The following CLYBL variants were observed in gnomAD, a reference collection of about 807,000 sequenced individuals.
CLYBL encodes the protein citramalyl-CoA lyase.
A neutral mutation model predicts 38.9 loss-of-function variants in CLYBL; 31 were observed. The ratio of observed to expected loss-of-function variants is 0.80; its 90% CI spans 0.60 to 1.08. The LOEUF is 1.08. CLYBL is among the 50% of genes least tolerant of loss of function. The pLI is 0.00. For synonymous variants in CLYBL, 171 were observed against 158.6 expected (o/e 1.08, Z -0.59); for missense variants, 434 against 411.6 (o/e 1.05, Z -0.47).
At position 99,748,661 on chromosome 13, in the gene CLYBL, G is replaced by A. The variant is rs139641630; in HGVS notation, c.63-24163G>A. ...TCACCATGTTGGCCAAGCTGATCTCGAACTCCTGACCTCATGATTCACCCG... is the reference window on the plus strand; with the variant it reads ...TCACCATGTTGGCCAAGCTGATCTCAAACTCCTGACCTCATGATTCACCCG... On this transcript the variant is annotated intron_variant, in intron 1 of 8. Transcript: ENST00000339105. 5.6e-3 allele frequency among the ~76,000 whole-genome samples: 847 copies of A among 150,930 alleles called. 6 individuals carry two copies. The highest frequency in any genetic ancestry group is 0.02 in the African/African-American group (815 of 41,140).
chr13:99,724,210 G>A (rs1283194446), intron 1 of CLYBL, among the ~76,000 whole-genome samples: 1 of 152,158 alleles, frequency 6.6e-6, no homozygotes, highest in Non-Finnish European at 1.5e-5. Context: ...GGGGCTGAAT[G>A]TCTGTTGCAG....
rs559729616 is a variant in CLYBL at position 99,766,603 on chromosome 13, A to G, written c.63-6221A>G. ...TTCCTGTTGATGTGTATGTCTTTGCATTGAAGGATTATTCATTTAATCTAG... is the reference window on the plus strand; with the variant it reads ...TTCCTGTTGATGTGTATGTCTTTGCGTTGAAGGATTATTCATTTAATCTAG... On this transcript the variant is annotated intron_variant, in intron 1 of 8. Coordinates refer to ENST00000339105, the MANE Select transcript of CLYBL (RefSeq NM_206808.5). Among the ~76,000 whole-genome samples the G allele has an allele frequency of 7.3e-4, 111 of 152,142 alleles. 1 individual carries two copies. Among genetic ancestry groups the G allele is most frequent in the Middle Eastern group, 3.4e-3 (1 of 294 alleles).
At chr13:99,842,371 A>C (rs1414892957) in intron 2 of CLYBL, among the ~76,000 whole-genome samples, 1 of 152,150 alleles carries the variant, frequency 6.6e-6, no homozygotes, top group African/African-American at 2.4e-5. Context: ...AGGTGAGAGA[A>C]AGACCTTCCT....
chr13:99,683,984 T>G (rs2047778803), intron 1 of CLYBL, among the ~76,000 whole-genome samples: 1 of 147,876 alleles, frequency 6.8e-6, no homozygotes, highest in African/African-American at 2.5e-5. Flanking sequence ...TTCTCCTGCC[T>G]CAGCCTCCTG....
At chr13:99,727,909 C>G (rs951260051) in intron 1 of CLYBL, among the ~76,000 whole-genome samples, 2 of 152,120 alleles carry the variant, frequency 1.3e-5, no homozygotes, top group African/African-American at 4.8e-5. Flanking sequence ...GAAATCCTGT[C>G]TCTACTAAAA....
chr13:99,816,448 C>T (rs887794686), intron 2 of CLYBL, among the ~76,000 whole-genome samples: 1 of 152,262 alleles, frequency 6.6e-6, no homozygotes, highest in African/African-American at 2.4e-5. Context: ...AAGCAAGTGT[C>T]TTAGAACCCC....
At chr13:99,692,985 G>A (rs1037864668) in intron 1 of CLYBL, among the ~76,000 whole-genome samples, 2 of 152,046 alleles carry the variant, frequency 1.3e-5, no homozygotes, top group African/African-American at 4.8e-5. Flanking sequence ...GATATTTTTT[G>A]GGGGATATCC....
chr13:99,698,437 T>G (rs2048012348), intron 1 of CLYBL, among the ~76,000 whole-genome samples: 1 of 152,128 alleles, frequency 6.6e-6, no homozygotes, highest in South Asian at 2.1e-4. Context: ...CCCATCAGAA[T>G]TACGTTCAAG....
At chr13:99,684,976 G>A (rs184145611) in intron 1 of CLYBL, among the ~76,000 whole-genome samples, 42 of 152,354 alleles carry the variant, frequency 2.8e-4, no homozygotes, top group Admixed American at 7.8e-4. Context: ...GCCTTCAGGC[G>A]TAATTGGAGT....
chr13:99,877,321 C>G (rs1017209245), intron 7 of CLYBL, among the ~76,000 whole-genome samples: 1 of 152,136 alleles, frequency 6.6e-6, no homozygotes, highest in Non-Finnish European at 1.5e-5. Flanking sequence ...CCCTCTCTTT[C>G]CTCTTCCTGT....
intron 2 of CLYBL, among the ~76,000 whole-genome samples, chr13:99,855,036 G>T (rs2051426281): frequency 1.3e-5 from 2 of 152,168 alleles, no homozygotes; most frequent in African/African-American, 2.4e-5. Context: ...TATGACCTGG[G>T]CAGAGTCCAC....
At chr13:99,621,936 G>A (rs2046804050) in intron 1 of CLYBL, among the ~76,000 whole-genome samples, 1 of 152,136 alleles carries the variant, frequency 6.6e-6, no homozygotes, top group African/African-American at 2.4e-5. Context: ...AGGTTTTGTG[G>A]GCTGAAACCA....
In CLYBL at chr13:99,773,012, T is replaced by G. The variant is rs1594173074; in HGVS notation, c.249+2T>G. 1 of 1,607,032 alleles carries G rather than the reference T, an allele frequency of 6.2e-7. No individual in the cohort carries two copies. The highest frequency in any genetic ancestry group is 8.5e-7 in the Non-Finnish European group (1 of 1,178,322). On this transcript the variant is annotated splice_donor_variant, in intron 2 of 8. Transcript: ENST00000339105. LOFTEE classifies it high-confidence loss of function. ...GATGGAGTGGCTGCAAACAAAAAGG[T>G]AATGGCATGATTTTAGTATGAGAAA...
chr13:99,826,800 C>T (rs575772570), intron 2 of CLYBL, among the ~76,000 whole-genome samples: 35 of 152,362 alleles, frequency 2.3e-4, no homozygotes, highest in African/African-American at 3.6e-4. Context: ...CCTCTCCTTA[C>T]TCCCTGAGAT....
At chr13:99,758,321 T>A (rs955597426) in intron 1 of CLYBL, among the ~76,000 whole-genome samples, 1 of 152,104 alleles carries the variant, frequency 6.6e-6, no homozygotes, top group African/African-American at 2.4e-5. Flanking sequence ...GGCCCCCCTC[T>A]GGGATGGCAT....
At chr13:99,802,773 T>A (rs562350061) in intron 2 of CLYBL, among the ~76,000 whole-genome samples, 41 of 152,338 alleles carry the variant, frequency 2.7e-4, no homozygotes, top group Admixed American at 9.8e-4. Flanking sequence ...TGGGTCTTGC[T>A]GGGAACATCT....
At chr13:99,755,631 A>C (rs1232920291) in intron 1 of CLYBL, among the ~76,000 whole-genome samples, 1 of 152,194 alleles carries the variant, frequency 6.6e-6, no homozygotes, top group Non-Finnish European at 1.5e-5. Context: ...AATGGATAGC[A>C]TGCCACTGTT....
At chr13:99,644,798 C>T (rs79687236) in intron 1 of CLYBL, among the ~76,000 whole-genome samples, 1 of 152,220 alleles carries the variant, frequency 6.6e-6, no homozygotes, top group Admixed American at 6.5e-5. Context: ...ACTTATTTCA[C>T]TTAACATAAT....
intron 1 of CLYBL, among the ~76,000 whole-genome samples, chr13:99,672,002 C>A (rs368542110): frequency 5.3e-5 from 8 of 152,194 alleles, no homozygotes; most frequent in African/African-American, 1.7e-4. Flanking sequence ...CTGAGGCAGG[C>A]ACTACAGGCC....
Sources: allele counts gnomAD v4.1 joint callset (sites outside exome capture counted in the v4.1 genomes callset), GRCh38; gene constraint gnomAD v4.1.1; transcripts MANE v1.5; gene names NCBI Gene and HGNC (gene_info 2026-07-23, HGNC 2026-07-21).